TOX: variants seen among roughly 807,000 people sequenced by gnomAD.
The protein encoded by TOX is thymocyte selection-associated high mobility group box protein TOX.
Under a neutral mutation model 53.7 loss-of-function variants are expected in TOX, and 11 were observed. The ratio of observed to expected loss-of-function variants is 0.20; its 90% CI spans 0.13 to 0.34. TOX has a LOEUF of 0.34. Ranked by LOEUF, TOX falls within the 10% of genes least tolerant of loss-of-function variation. TOX has a pLI of 1.00. For synonymous variants in TOX, 225 were observed against 245.3 expected, an observed-to-expected ratio of 0.92 and a Z score of 0.77; for missense variants, 570 against 664.6, an observed-to-expected ratio of 0.86 and a Z score of 1.56.
At chr8:59,027,419 A>G (rs1188073450) in intron 1 of TOX, among the ~76,000 whole-genome samples, 1 of 150,840 alleles carries the variant, frequency 6.6e-6, no homozygotes, top group Non-Finnish European at 1.5e-5. Context: ...TGTTAGTCAC[A>G]TGAAATGGGT....
At position 58,827,039 on chromosome 8, in the gene TOX, T is replaced by C. The variant is rs973887559; in HGVS notation, c.925-137A>G. 8.0e-6 allele frequency: 4 copies of C among 499,170 alleles called. No individual in the cohort carries two copies. The African/African-American group carries it at 8.0e-5, about 10-fold the overall frequency. 30.9% of individuals were successfully genotyped at this position (499,170 alleles called of 1,614,324 possible). A position where few individuals can be genotyped will look rare whatever the true frequency, so the allele number is the denominator to read the frequency against. ...ATAATAATATATATCTCCCCAAAGATTGTGTTTTCTTACTGAAACAGATTT... is the reference window on the plus strand; with the variant it reads ...ATAATAATATATATCTCCCCAAAGACTGTGTTTTCTTACTGAAACAGATTT... On this transcript the variant is annotated intron_variant, in intron 5 of 8. Coordinates refer to ENST00000361421, the MANE Select transcript of TOX (RefSeq NM_014729.3).
chr8:58,984,643 T>TGGG (rs1813289025), intron 1 of TOX, among the ~76,000 whole-genome samples: 1 of 151,496 alleles, frequency 6.6e-6, no homozygotes, highest in Non-Finnish European at 1.5e-5. Flanking sequence ...ATTAGCTGGG[T>TGGG]GTGGTGGCGG....
intron 1 of TOX, among the ~76,000 whole-genome samples, chr8:59,038,412 G>C (rs1465849592): frequency 1.3e-5 from 2 of 152,124 alleles, no homozygotes; most frequent in Non-Finnish European, 2.9e-5. Flanking sequence ...TCAGAAATTT[G>C]TTCTTTGCTT....
At chr8:58,953,519 T>C (rs1347425135) in intron 2 of TOX, among the ~76,000 whole-genome samples, 3 of 152,202 alleles carry the variant, frequency 2.0e-5, no homozygotes, top group African/African-American at 7.2e-5. Flanking sequence ...CATCCTTTCA[T>C]TTCCCATTGA....
chr8:58,906,528 A>T (rs1401231464), intron 3 of TOX, among the ~76,000 whole-genome samples: 2 of 152,232 alleles, frequency 1.3e-5, no homozygotes, highest in Non-Finnish European at 2.9e-5. Context: ...TCGCAATTAC[A>T]ATCTGTCAAA....
chr8:59,112,747 G>A (rs1375680746), intron 1 of TOX, among the ~76,000 whole-genome samples: 1 of 152,192 alleles, frequency 6.6e-6, no homozygotes, highest in African/African-American at 2.4e-5. Context: ...TTGAGGGCAA[G>A]AACTACAGTT....
At chr8:58,862,963 C>G (rs1320501912) in intron 3 of TOX, among the ~76,000 whole-genome samples, 3 of 152,038 alleles carry the variant, frequency 2.0e-5, no homozygotes, top group African/African-American at 7.2e-5. Context: ...AACATAGACC[C>G]TCTCAACTAA....
chr8:59,012,264 A>T (rs1208798187), intron 1 of TOX, among the ~76,000 whole-genome samples: 1 of 152,186 alleles, frequency 6.6e-6, no homozygotes, highest in Non-Finnish European at 1.5e-5. Context: ...TTAGAACCAC[A>T]GTCAGATGAT....
At chr8:58,937,139 T>C (rs139440216) in intron 3 of TOX, among the ~76,000 whole-genome samples, 25 of 152,288 alleles carry the variant, frequency 1.6e-4, no homozygotes, top group Non-Finnish European at 3.5e-4. Context: ...GACGTGCAGC[T>C]CCAGAATGTA....
intron 2 of TOX, among the ~76,000 whole-genome samples, chr8:58,942,102 G>A (rs944376551): frequency 6.6e-6 from 1 of 151,258 alleles, no homozygotes; most frequent in Non-Finnish European, 1.5e-5. Context: ...CCTGAATAAG[G>A]CACAACTAAT....
Position 59,119,005 on chromosome 8 carries a change from C to T in TOX, c.-18G>A, listed in dbSNP as rs770992580. The T allele has an allele frequency of 4.5e-5, 70 of 1,549,216 alleles. No individual in the cohort carries two copies. Among genetic ancestry groups the T allele is most frequent in the Non-Finnish European group, 5.8e-5 (65 of 1,126,520 alleles). Reference sequence around the variant, plus strand: ...ACGTCCATTTCACTCTCACATCAAGCAACTCCTTTTCTTTTTCCTTTTTTA... The same window carrying T: ...ACGTCCATTTCACTCTCACATCAAGTAACTCCTTTTCTTTTTCCTTTTTTA... On this transcript the variant is annotated 5_prime_UTR_variant, in exon 1 of 9. Transcript: ENST00000361421.
intron 3 of TOX, among the ~76,000 whole-genome samples, chr8:58,897,190 C>A (rs537445638): frequency 6.6e-6 from 1 of 152,098 alleles, no homozygotes; most frequent in African/African-American, 2.4e-5. Context: ...ATAAAAATGC[C>A]CTGCCTTTCC....
chr8:59,079,289 G>A (rs1331654898), intron 1 of TOX, among the ~76,000 whole-genome samples: 2 of 152,174 alleles, frequency 1.3e-5, no homozygotes, highest in African/African-American at 4.8e-5. Context: ...AAACAAAAGG[G>A]ATCTAAGTGC....
intron 6 of TOX, among the ~76,000 whole-genome samples, chr8:58,819,769 A>C (rs181646714): frequency 1.7e-3 from 253 of 152,378 alleles, no homozygotes; most frequent in African/African-American, 5.8e-3. Flanking sequence ...TAAAATAGCA[A>C]AGTATAAATA....
chr8:59,005,237 ACC>A (rs1813768136), intron 1 of TOX, among the ~76,000 whole-genome samples: 5 of 152,036 alleles, frequency 3.3e-5, no homozygotes, highest in Admixed American at 3.3e-4. Context: ...ACGGGGTTTC[ACC>A]GTGTTAGCCA....
intron 1 of TOX, among the ~76,000 whole-genome samples, chr8:59,114,225 T>C (rs549659211): frequency 6.6e-6 from 1 of 152,334 alleles, no homozygotes; most frequent in South Asian, 2.1e-4. Context: ...AATACCAAAA[T>C]TCTCCTTAAT....
intron 5 of TOX, among the ~76,000 whole-genome samples, chr8:58,834,955 C>G (rs1418467851): frequency 6.6e-6 from 1 of 152,086 alleles, no homozygotes; most frequent in Non-Finnish European, 1.5e-5. Context: ...TTTAGAGTGA[C>G]CAAAACTGTT....
chr8:59,004,206 G>A (rs1337352826), intron 1 of TOX, among the ~76,000 whole-genome samples: 1 of 152,200 alleles, frequency 6.6e-6, no homozygotes, highest in East Asian at 1.9e-4. Context: ...TTATACAGCT[G>A]AGAGATAAAA....
intron 1 of TOX, among the ~76,000 whole-genome samples, chr8:59,001,194 T>A (rs1159645203): frequency 6.6e-6 from 1 of 152,196 alleles, no homozygotes; most frequent in Admixed American, 6.5e-5. Context: ...TTTCTCAGGT[T>A]AGCTGGGTTT....
Sources: gnomAD v4.1 joint callset for allele counts (sites outside exome capture counted in the v4.1 genomes callset) on GRCh38, gnomAD v4.1.1 for gene constraint, MANE v1.5 for transcripts, NCBI Gene and HGNC (gene_info 2026-07-23, HGNC 2026-07-21) for gene names.